Variants in PLEKHH1 observed in about 807,000 individuals in gnomAD.
PLEKHH1 encodes the protein pleckstrin homology domain-containing family H member 1.
Under a neutral mutation model 160.0 loss-of-function variants are expected in PLEKHH1, and 104 were observed. The observed-to-expected ratio is 0.65, with a 90% CI of 0.55 to 0.76. The LOEUF (loss-of-function observed/expected upper bound fraction) is 0.76. Among genes scored for constraint, PLEKHH1 ranks in the 30% least tolerant of loss-of-function variants. The pLI is 0.00. For synonymous variants in PLEKHH1, 619 were observed against 678.4 expected (o/e 0.91, Z 1.36); for missense variants, 1,427 against 1,724.1 (o/e 0.83, Z 3.05).
Position 67,573,497 on chromosome 14 carries a change from G to A in PLEKHH1, c.1839+111G>A, listed in dbSNP as rs1193212999. 11 of 767,354 alleles carry A rather than the reference G, an allele frequency of 1.4e-5. No homozygotes were observed. The African/African-American group carries it at 1.6e-4, about 11-fold the overall frequency. The allele number at this position is 767,354 out of a possible 1,614,324, so 47.5% of individuals were successfully genotyped here. ...TGTGGCCCAAGGCCAGAGGGCAAAG[G>A]TCTGGCAGGTGGGGAGAGGCAACCT... On this transcript the variant is annotated intron_variant, in intron 12 of 28. Transcript: ENST00000329153. The surrounding 1 kb of genome is among the most constrained non-coding windows in gnomAD (Gnocchi z 4.8).
chr14:67,541,477 G>C (rs1055599287), intron 1 of PLEKHH1, among the ~76,000 whole-genome samples: 5 of 152,238 alleles, frequency 3.3e-5, no homozygotes, highest in Non-Finnish European at 7.3e-5. Context: ...CAGAGCACAG[G>C]GTCAGGCATA....
chr14:67,586,211 T>C (rs1051652893), intron 28 of PLEKHH1, 114 bp downstream of exon 28: 1 of 1,286,900 alleles, frequency 7.8e-7, no homozygotes, highest in Non-Finnish European at 1.1e-6. Flanking sequence ...CCAGATAAAA[T>C]TGTTGGTCTT....
intron 1 of PLEKHH1, 59 bp from the exon 2 acceptor site, chr14:67,541,775 A>C (rs1594742198): frequency 8.2e-7 from 1 of 1,220,402 alleles, no homozygotes; most frequent in South Asian, 1.6e-5. Flanking sequence ...TTCTTTCCCC[A>C]CAGAACTCTT....
chr14:67,561,571 A>G (rs1035852785), intron 5 of PLEKHH1, among the ~76,000 whole-genome samples: 2 of 152,090 alleles, frequency 1.3e-5, no homozygotes, highest in Non-Finnish European at 2.9e-5. Context: ...CTCAGAAAAG[A>G]AAAGAATATG....
At chr14:67,558,221 C>T (rs2034673641) in intron 4 of PLEKHH1, among the ~76,000 whole-genome samples, 1 of 152,188 alleles carries the variant, frequency 6.6e-6, no homozygotes, top group Non-Finnish European at 1.5e-5. Context: ...GCTTTCCCCT[C>T]GTGCCAGAAT....
intron 22 of PLEKHH1, 111 bp from the exon 23 acceptor site, chr14:67,580,827 C>T: frequency 1.4e-6 from 1 of 701,806 alleles, no homozygotes; most frequent in Non-Finnish European, 2.5e-6. Context: ...GGTGGGAGGA[C>T]TTTTCCTTAG....
intron 7 of PLEKHH1, 93 bp downstream of exon 7, chr14:67,562,987 G>A: frequency 7.6e-7 from 1 of 1,320,282 alleles, no homozygotes; most frequent in Non-Finnish European, 1.0e-6. Flanking sequence ...AGGAGAGGAG[G>A]CTGCTGGCAT....
chr14:67,550,280 C>T (rs1283381372), intron 2 of PLEKHH1, among the ~76,000 whole-genome samples: 2 of 152,266 alleles, frequency 1.3e-5, no homozygotes, highest in East Asian at 1.9e-4. Flanking sequence ...CCTCTGCCCC[C>T]GAGGCTCAAG....
chr14:67,580,126 TC>T (rs914728479), intron 22 of PLEKHH1: 69 of 427,534 alleles, frequency 1.6e-4, no homozygotes, highest in African/African-American at 1.3e-3. Flanking sequence ...CTGTGCAGCG[TC>T]CAGAAGAAAA....
chr14:67,570,359 C>T (rs962028341), intron 9 of PLEKHH1: 14 of 919,246 alleles, frequency 1.5e-5, no homozygotes, highest in Non-Finnish European at 1.8e-5. Flanking sequence ...ACTTATATTC[C>T]CGTAACGTCA....
intron 7 of PLEKHH1, among the ~76,000 whole-genome samples, chr14:67,567,651 A>G (rs1298404266): frequency 6.6e-6 from 1 of 151,602 alleles, no homozygotes; most frequent in Non-Finnish European, 1.5e-5. Flanking sequence ...TCATGGCAGC[A>G]CTCATCAGCT....
Position 67,582,052 on chromosome 14 carries a change from T to TA in PLEKHH1, c.3285-16dup. ...GAATCCCTGCTGAGTCCTGGTTTCT[T>TA]ATTCTCTTCTTTGTAGGCTGTACTT... On this transcript the variant is annotated splice_polypyrimidine_tract_variant and intron_variant, in intron 23 of 28. Coordinates refer to ENST00000329153, the MANE Select transcript of PLEKHH1 (RefSeq NM_020715.3). The surrounding 1 kb of genome is among the most constrained non-coding windows in gnomAD (Gnocchi z 5.0). 6.2e-7 allele frequency: 1 copy of TA among 1,602,730 alleles called. No homozygotes were observed. Among genetic ancestry groups the TA allele is most frequent in the Non-Finnish European group, 8.5e-7 (1 of 1,174,736 alleles).
chr14:67,564,692 C>CT (rs761508671), intron 7 of PLEKHH1, among the ~76,000 whole-genome samples: 5,897 of 136,668 alleles, frequency 0.043, 186 homozygotes, highest in African/African-American at 0.086. Context: ...TTTTCTTTTC[C>CT]TTTTTTTTTT....
At chr14:67,559,332 G>C (rs940503745) in intron 4 of PLEKHH1, among the ~76,000 whole-genome samples, 8 of 152,116 alleles carry the variant, frequency 5.3e-5, no homozygotes, top group African/African-American at 1.9e-4. Flanking sequence ...TATTAACTTT[G>C]CTTGCATATG....
At chr14:67,569,244 C>T (rs1417225301) in intron 8 of PLEKHH1, 28 bp downstream of exon 8, 2 of 1,529,796 alleles carry the variant, frequency 1.3e-6, no homozygotes, top group South Asian at 2.2e-5. Context: ...CTTGGAGGCA[C>T]CAAACACCCA....
At chr14:67,585,498 C>A in intron 26 of PLEKHH1, 70 bp from the exon 27 acceptor site, 1 of 1,072,730 alleles carries the variant, frequency 9.3e-7, no homozygotes, top group Non-Finnish European at 1.4e-6. Context: ...TGCCTTCTTT[C>A]TCAGAAAGTT....
intron 7 of PLEKHH1, among the ~76,000 whole-genome samples, chr14:67,567,139 C>CGTGT (rs558510207): frequency 8.9e-6 from 1 of 112,890 alleles, no homozygotes; most frequent in Admixed American, 8.8e-5. Flanking sequence ...CATGATCACT[C>CGTGT]GTGTTCCGTG....
At chr14:67,559,780 G>T in intron 5 of PLEKHH1, 89 bp downstream of exon 5, 2 of 821,634 alleles carry the variant, frequency 2.4e-6, no homozygotes, top group South Asian at 2.9e-5. Context: ...ACTGTCTAGG[G>T]TGCCTCGGCT....
rs1394270778 is a variant in PLEKHH1 at position 67,587,470 on chromosome 14, G to T, written c.*235G>T. 4 of 555,914 alleles carry T rather than the reference G, an allele frequency of 7.2e-6. No individual in the cohort carries two copies. Among genetic ancestry groups the T allele is most frequent in the Non-Finnish European group, 3.2e-6 (1 of 311,482 alleles). The allele number at this position is 555,914 out of a possible 1,614,324, so 34.4% of individuals were successfully genotyped here. On this transcript the variant is annotated 3_prime_UTR_variant, in exon 29 of 29. Transcript: ENST00000329153. The stretch of plus-strand genomic sequence containing the variant: ...AAACCATTTATTCCTTTTTTCATAA[G>T]AATAATGACTCCAGATGCTACCTGA...
Sources: gnomAD v4.1 joint callset for allele counts (sites outside exome capture counted in the v4.1 genomes callset) on GRCh38, gnomAD v4.1.1 for gene constraint, Gnocchi (gnomAD v3.1) non-coding constraint, MANE v1.5 for transcripts, NCBI Gene and HGNC (gene_info 2026-07-23, HGNC 2026-07-21) for gene names.